GRID1: variants seen among roughly 807,000 people sequenced by gnomAD.
GRID1 encodes the protein glutamate ionotropic receptor delta type subunit 1.
Under a neutral mutation model 98.0 loss-of-function variants are expected in GRID1, and 28 were observed. That is an observed-to-expected ratio of 0.29 (90% CI 0.21 to 0.39). The LOEUF is 0.39. Among genes scored for constraint, GRID1 ranks in the 10% least tolerant of loss-of-function variants. The pLI is 1.00. For synonymous variants in GRID1, 553 were observed against 538.5 expected, an observed-to-expected ratio of 1.03 and a Z score of -0.37; for missense variants, 1,111 against 1,340.5, an observed-to-expected ratio of 0.83 and a Z score of 2.67.
chr10:85,954,690 T>C (rs545970088), intron 4 of GRID1, among the ~76,000 whole-genome samples: 2 of 152,302 alleles, frequency 1.3e-5, no homozygotes, highest in South Asian at 4.1e-4. Flanking sequence ...GCAATACTTG[T>C]CCTTATACAG....
intron 5 of GRID1, among the ~76,000 whole-genome samples, chr10:85,902,435 T>C (rs1394617000): frequency 6.6e-6 from 1 of 152,328 alleles, no homozygotes; most frequent in Admixed American, 6.5e-5. Context: ...TGACAGTGGG[T>C]GACTGAAACC....
intron 3 of GRID1, among the ~76,000 whole-genome samples, chr10:86,143,432 G>C (rs1845038162): frequency 6.6e-6 from 1 of 151,990 alleles, no homozygotes; most frequent in Non-Finnish European, 1.5e-5. Flanking sequence ...CTCACACAGA[G>C]AGAACTCCCC....
intron 2 of GRID1, among the ~76,000 whole-genome samples, chr10:86,307,163 A>G (rs564575347): frequency 6.6e-6 from 1 of 152,352 alleles, no homozygotes; most frequent in East Asian, 1.9e-4. Flanking sequence ...TAAAAATAGA[A>G]CTACCGTATA....
chr10:85,614,383 G>A lies in GRID1; in HGVS notation c.2361-736C>T, dbSNP rs560855911. 2.3e-3 allele frequency among the ~76,000 whole-genome samples: 345 copies of A among 152,290 alleles called. 2 individuals carry two copies. The highest frequency in any genetic ancestry group is 8.1e-3 in the African/African-American group (335 of 41,566). The stretch of plus-strand genomic sequence containing the variant: ...ACTAATTATAAAACAGCTCACATGG[G>A]TCTAGCATGTTCTAGTGCCAAGGAG... On this transcript the variant is annotated intron_variant, in intron 14 of 15. Transcript: ENST00000327946.
rs371869494 is a variant in GRID1, at chr10:85,720,746, A to C, written c.1997+2257T>G. On this transcript the variant is annotated intron_variant, in intron 12 of 15. Transcript: ENST00000327946. ...TTATCTCAAAATTGATTGTGGACTG[A>C]ATTGTAAAATGCAAACGTTTTCAGT... is the stretch of plus-strand genomic sequence containing the variant. Among the ~76,000 whole-genome samples the C allele has an allele frequency of 3.6e-4, 55 of 152,276 alleles. 1 individual carries two copies. Among genetic ancestry groups the C allele is most frequent in the Admixed American group, 2.0e-3 (30 of 15,300 alleles).
intron 12 of GRID1, among the ~76,000 whole-genome samples, chr10:85,705,806 C>T (rs1297223301): frequency 1.3e-5 from 2 of 152,264 alleles, no homozygotes; most frequent in African/African-American, 4.8e-5. Flanking sequence ...GCTGGTTAAA[C>T]ATATGCAAAT....
Position 85,832,372 on chromosome 10 carries a change from G to A in GRID1, c.1233+22124C>T, listed in dbSNP as rs557990701. 1.4e-4 allele frequency among the ~76,000 whole-genome samples: 21 copies of A among 152,116 alleles called. 1 individual carries two copies. Among genetic ancestry groups the A allele is most frequent in the Admixed American group, 5.9e-4 (9 of 15,276 alleles). ...GAATACTAAAACTGAAAAGGACATTGCCACATAAGAAAATTTCAGACAAAT... is the reference window on the plus strand; with the variant it reads ...GAATACTAAAACTGAAAAGGACATTACCACATAAGAAAATTTCAGACAAAT... On this transcript the variant is annotated intron_variant, in intron 8 of 15. Transcript: ENST00000327946.
intron 2 of GRID1, among the ~76,000 whole-genome samples, chr10:86,300,037 G>A (rs1847658659): frequency 6.6e-6 from 1 of 152,126 alleles, no homozygotes; most frequent in Non-Finnish European, 1.5e-5. Context: ...GTTGAGATGA[G>A]GTCATATTAG....
rs562487855 is a variant in GRID1, at chr10:86,308,307, C to A, written c.235+55634G>T. ...ACCTCCAGACCTGAACTAGGGCCCACCAGACATTGGGATGAGGCCCTAGCC... is the reference window on the plus strand; with the variant it reads ...ACCTCCAGACCTGAACTAGGGCCCAACAGACATTGGGATGAGGCCCTAGCC... On this transcript the variant is annotated intron_variant, in intron 2 of 15. Coordinates refer to ENST00000327946, the MANE Select transcript of GRID1 (RefSeq NM_017551.3). Among the ~76,000 whole-genome samples, 3 of 152,366 alleles carry A rather than the reference C, an allele frequency of 2.0e-5. No homozygotes were observed. In the East Asian group the frequency reaches 5.8e-4, roughly 29 times the overall value.
At chr10:85,790,251 A>C (rs1468755251) in intron 8 of GRID1, among the ~76,000 whole-genome samples, 2 of 152,182 alleles carry the variant, frequency 1.3e-5, no homozygotes, top group Non-Finnish European at 1.5e-5. Context: ...ACCTGAATCC[A>C]TGACTGGCAG....
chr10:85,717,281 T>C (rs1841650362), intron 12 of GRID1, among the ~76,000 whole-genome samples: 1 of 152,106 alleles, frequency 6.6e-6, no homozygotes, highest in Non-Finnish European at 1.5e-5. Flanking sequence ...TATTAGTTTG[T>C]TTTCATGCTG....
chr10:85,717,744 C>T (rs1841655533), intron 12 of GRID1, among the ~76,000 whole-genome samples: 2 of 152,332 alleles, frequency 1.3e-5, no homozygotes, highest in Admixed American at 1.3e-4. Flanking sequence ...AAAGTCTCAT[C>T]TGAGACAAGG....
Position 86,260,680 on chromosome 10 carries a change from T to C in GRID1, c.236-54032A>G, listed in dbSNP as rs1378732448. 2.0e-5 allele frequency among the ~76,000 whole-genome samples: 3 copies of C among 151,710 alleles called. No individual in the cohort carries two copies. In the East Asian group the frequency reaches 5.8e-4, roughly 29 times the overall value. On this transcript the variant is annotated intron_variant, in intron 2 of 15. Coordinates refer to ENST00000327946, the MANE Select transcript of GRID1 (RefSeq NM_017551.3). ...AGGTGGGATGTGAGCCTCCAGAAAATGGAAAATCCTCGCCCAGCCCCACGT... is the reference window on the plus strand; with the variant it reads ...AGGTGGGATGTGAGCCTCCAGAAAACGGAAAATCCTCGCCCAGCCCCACGT...
chr10:86,109,223 C>G (rs1236064375), intron 4 of GRID1, among the ~76,000 whole-genome samples: 1 of 152,212 alleles, frequency 6.6e-6, no homozygotes, highest in Admixed American at 6.5e-5. Flanking sequence ...TTAACTCCAG[C>G]GAGGGCCTCA....
intron 3 of GRID1, among the ~76,000 whole-genome samples, chr10:86,196,542 GAT>G (rs949348394): frequency 1.3e-5 from 2 of 152,080 alleles, no homozygotes; most frequent in African/African-American, 2.4e-5. Flanking sequence ...GTTAGAAAAA[GAT>G]AAAGCCAGGA....
intron 4 of GRID1, among the ~76,000 whole-genome samples, chr10:86,077,417 A>C (rs974004561): frequency 2.0e-5 from 3 of 152,144 alleles, no homozygotes; most frequent in Non-Finnish European, 2.9e-5. Context: ...CACACCCTGC[A>C]GTCTGCAGCA....
chr10:85,722,462 A>G (rs1841714699), intron 12 of GRID1, among the ~76,000 whole-genome samples: 1 of 152,154 alleles, frequency 6.6e-6, no homozygotes, highest in African/African-American at 2.4e-5. Flanking sequence ...ATTTCGCTAT[A>G]TTGAGCTCAT....
chr10:85,820,570 C>G (rs898740953), intron 8 of GRID1, among the ~76,000 whole-genome samples: 1 of 152,080 alleles, frequency 6.6e-6, no homozygotes, highest in Non-Finnish European at 1.5e-5. Context: ...GTTAATTTCC[C>G]AGATTCGATA....
intron 2 of GRID1, among the ~76,000 whole-genome samples, chr10:86,259,273 T>C (rs1040178566): frequency 6.6e-6 from 1 of 152,240 alleles, no homozygotes; most frequent in Non-Finnish European, 1.5e-5. Context: ...AACCCAAAAA[T>C]GTAAAGACAA....
Sources: gnomAD v4.1 joint callset for allele counts (sites outside exome capture counted in the v4.1 genomes callset) on GRCh38, gnomAD v4.1.1 for gene constraint, MANE v1.5 for transcripts, NCBI Gene and HGNC (gene_info 2026-07-23, HGNC 2026-07-21) for gene names.